The following TSHZ3 variants were observed in gnomAD, a reference collection of about 807,000 sequenced individuals.
The protein encoded by TSHZ3 is teashirt homolog 3.
In TSHZ3, 10 loss-of-function variants were observed where a neutral mutation model predicts 64.5. The observed-to-expected ratio is 0.16, with a 90% CI of 0.10 to 0.26. The LOEUF (loss-of-function observed/expected upper bound fraction) is 0.26. Among genes scored for constraint, TSHZ3 ranks in the 10% least tolerant of loss-of-function variants. The probability of loss-of-function intolerance (pLI) is 1.00; values close to 1 mark genes in which losing one functional copy is unlikely to be tolerated. For synonymous variants in TSHZ3, 608 were observed against 593.1 expected (o/e 1.03, Z -0.36); for missense variants, 1,242 against 1,421.7 (o/e 0.87, Z 2.03).
At chr19:31,326,017 T>A (rs1160006319) in intron 1 of TSHZ3, among the ~76,000 whole-genome samples, 1 of 152,242 alleles carries the variant, frequency 6.6e-6, no homozygotes, top group East Asian at 1.9e-4. Context: ...AACTTTAACA[T>A]TCCGCTTTAT....
At chr19:31,333,043 C>T (rs1917137753) in intron 1 of TSHZ3, among the ~76,000 whole-genome samples, 1 of 151,764 alleles carries the variant, frequency 6.6e-6, no homozygotes, top group Non-Finnish European at 1.5e-5. Context: ...GAGGTCGAGG[C>T]TGCAGTGAGC....
chr19:31,277,330 C>T lies in TSHZ3; in HGVS notation c.2463G>A (p.Thr821=), dbSNP rs774652861. ...TSTAPATSSS[T]VTTAKTSAVV... ...CGGCAGATGTCTTTGCCGTTGTCACCGTGGATGAGGAGGTTGCCGGGGCTG... is the reference window on the plus strand; with the variant it reads ...CGGCAGATGTCTTTGCCGTTGTCACTGTGGATGAGGAGGTTGCCGGGGCTG... Residue 821 remains threonine (T), a synonymous_variant, in exon 2 of 2, where the codon ACG becomes ACA. Transcript: ENST00000240587. This position sits in a 1 kb window ranked among gnomAD's most constrained non-coding sequence, Gnocchi z 4.5. The T allele has an allele frequency of 1.1e-5, 17 of 1,613,432 alleles. No individual in the cohort carries two copies. The highest frequency in any genetic ancestry group is 8.9e-5 in the East Asian group (4 of 44,880).
rs529730789 is a variant in TSHZ3 at position 31,211,461 on chromosome 19, C to T, written n.687-6383G>A. On this transcript the variant is annotated intron_variant and non_coding_transcript_variant, in intron 4 of 6. Transcript: ENST00000651361. ...GAGGGACACACCAACTTCTCTTGAG[C>T]GGATGGATGCATGACTGTGGGCTCC... 5.3e-4 allele frequency among the ~76,000 whole-genome samples: 81 copies of T among 152,240 alleles called. 1 individual carries two copies. Among genetic ancestry groups the T allele is most frequent in the South Asian group, 3.1e-3 (15 of 4,824 alleles).
upstream of TSHZ3, among the ~76,000 whole-genome samples, chr19:31,349,756 C>CG (rs1308928801): frequency 6.7e-6 from 1 of 148,484 alleles, no homozygotes; most frequent in African/African-American, 2.5e-5. Flanking sequence ...TCACGGCATC[C>CG]GGGGGGACGC....
chr19:31,195,913 T>C (rs188100199), intron 5 of TSHZ3, among the ~76,000 whole-genome samples: 1 of 152,118 alleles, frequency 6.6e-6, no homozygotes, highest in East Asian at 1.9e-4. Flanking sequence ...GATTTTGTCA[T>C]TGTGTGAACA....
chr19:31,179,116 G>A (rs772216710), intron 5 of TSHZ3, among the ~76,000 whole-genome samples: 1 of 152,102 alleles, frequency 6.6e-6, no homozygotes, highest in Admixed American at 6.5e-5. Context: ...TGACTGAAGA[G>A]CTTCCTGACA....
At chr19:31,186,578 C>T (rs1395784530) in intron 5 of TSHZ3, among the ~76,000 whole-genome samples, 1 of 152,176 alleles carries the variant, frequency 6.6e-6, no homozygotes, top group African/African-American at 2.4e-5. Flanking sequence ...TGATAAATTA[C>T]CTAGTCTTGA....
At chr19:31,221,877 CT>C (rs1438336568) in intron 4 of TSHZ3, among the ~76,000 whole-genome samples, 1 of 152,196 alleles carries the variant, frequency 6.6e-6, no homozygotes, top group African/African-American at 2.4e-5. Flanking sequence ...ACCTCGCCCT[CT>C]GTCTTGGGTC....
intron 1 of TSHZ3, among the ~76,000 whole-genome samples, chr19:31,286,402 A>ATT (rs1976465422): frequency 1.3e-5 from 2 of 152,174 alleles, no homozygotes; most frequent in Non-Finnish European, 2.9e-5. Context: ...AAGACAAAAC[A>ATT]CGGATCCTGC....
At chr19:31,251,621 C>A (rs1975843751) in intron 1 of TSHZ3, among the ~76,000 whole-genome samples, 1 of 152,222 alleles carries the variant, frequency 6.6e-6, no homozygotes, top group Admixed American at 6.5e-5. Context: ...CGCCTCCCAA[C>A]CCTGCCGTGA....
intron 1 of TSHZ3, among the ~76,000 whole-genome samples, chr19:31,295,563 G>C (rs1976647259): frequency 6.6e-6 from 1 of 152,066 alleles, no homozygotes; most frequent in Admixed American, 6.5e-5. Context: ...TCAAAATCAG[G>C]CAAAGCTCAC....
chr19:31,283,869 A>G (rs1289095754), intron 1 of TSHZ3, among the ~76,000 whole-genome samples: 1 of 152,100 alleles, frequency 6.6e-6, no homozygotes, highest in African/African-American at 2.4e-5. Flanking sequence ...TCAGGCAAGG[A>G]GGGGAGGAAA....
At chr19:31,308,475 A>G (rs1599639439) in intron 1 of TSHZ3, 11 of 390,618 alleles carry the variant, frequency 2.8e-5, no homozygotes, top group African/African-American at 1.0e-4. Flanking sequence ...CAGCTTGGGG[A>G]CACAAGGGTC....
At chr19:31,248,405 A>G (rs889356057) in intron 1 of TSHZ3, among the ~76,000 whole-genome samples, 20 of 152,208 alleles carry the variant, frequency 1.3e-4, no homozygotes, top group African/African-American at 4.8e-4. Flanking sequence ...GGCAAAATAA[A>G]GGGGTAGACA....
chr19:31,182,770 T>A (rs1974737527), intron 5 of TSHZ3, among the ~76,000 whole-genome samples: 1 of 152,170 alleles, frequency 6.6e-6, no homozygotes, highest in African/African-American at 2.4e-5. Flanking sequence ...AATACATATG[T>A]AAGACTCTAA....
intron 1 of TSHZ3, among the ~76,000 whole-genome samples, chr19:31,245,008 A>C (rs981315363): frequency 1.3e-5 from 2 of 152,220 alleles, no homozygotes; most frequent in Non-Finnish European, 2.9e-5. Flanking sequence ...AGTCAAATAA[A>C]TACTCTATGT....
chr19:31,249,567 G>A (rs1238642369), intron 1 of TSHZ3, among the ~76,000 whole-genome samples: 1 of 152,156 alleles, frequency 6.6e-6, no homozygotes, highest in African/African-American at 2.4e-5. Context: ...AAAAAATATA[G>A]AATTCATAGA....
chr19:31,257,189 A>G (rs1264917294), intron 1 of TSHZ3, among the ~76,000 whole-genome samples: 2 of 152,138 alleles, frequency 1.3e-5, no homozygotes, highest in African/African-American at 4.8e-5. Flanking sequence ...GGAAGGATGT[A>G]AGCCAAGGCA....
intron 3 of TSHZ3, among the ~76,000 whole-genome samples, chr19:31,234,301 A>G (rs1975578747): frequency 6.6e-6 from 1 of 152,170 alleles, no homozygotes; most frequent in African/African-American, 2.4e-5. Flanking sequence ...ACGGATAATG[A>G]TAACATTTGT....
Sources: allele counts gnomAD v4.1 joint callset (sites outside exome capture counted in the v4.1 genomes callset), GRCh38; gene constraint gnomAD v4.1.1; non-coding constraint Gnocchi (gnomAD v3.1); transcripts MANE v1.5; gene names NCBI Gene and HGNC (gene_info 2026-07-23, HGNC 2026-07-21).